RNF182: variants seen among roughly 807,000 people sequenced by gnomAD.
The protein encoded by RNF182 is E3 ubiquitin-protein ligase RNF182.
RNF182 carries 15 observed loss-of-function variants against 14.4 expected under a neutral mutation model. The ratio of observed to expected loss-of-function variants is 1.04; its 90% CI spans 0.70 to 1.60. The LOEUF is 1.60. RNF182 is among the 40% of genes most tolerant of loss of function. RNF182 has a pLI of 0.00. For synonymous variants in RNF182, 128 were observed against 122.9 expected, an observed-to-expected ratio of 1.04 and a Z score of -0.27; for missense variants, 268 against 294.8, an observed-to-expected ratio of 0.91 and a Z score of 0.67.
At chr6:13,956,022 T>C (rs1320651264) in intron 1 of RNF182, among the ~76,000 whole-genome samples, 1 of 152,200 alleles carries the variant, frequency 6.6e-6, no homozygotes, top group Non-Finnish European at 1.5e-5. Flanking sequence ...AGCTCCCACA[T>C]ATGAGTGAGA....
intron 1 of RNF182, among the ~76,000 whole-genome samples, chr6:13,971,313 T>C (rs946426451): frequency 2.0e-5 from 3 of 152,102 alleles, no homozygotes; most frequent in Non-Finnish European, 2.9e-5. Flanking sequence ...TGGCATTCAT[T>C]CTCTCTTGCC....
intron 1 of RNF182, among the ~76,000 whole-genome samples, chr6:13,968,134 A>G (rs1372744240): frequency 7.2e-5 from 11 of 152,224 alleles, no homozygotes; most frequent in Non-Finnish European, 1.2e-4. Flanking sequence ...AGTAACAGAA[A>G]GGATAAATAC....
In RNF182 at chr6:13,980,148, C is replaced by T. The variant is rs1760456143; in HGVS notation, c.*2285C>T. 1 of 152,212 alleles carries T rather than the reference C, an allele frequency of 6.6e-6. No homozygotes were observed. Among genetic ancestry groups the T allele is most frequent in the African/African-American group, 2.4e-5 (1 of 41,422 alleles). 9.4% of individuals were successfully genotyped at this position (152,212 alleles called of 1,614,324 possible). A position where few individuals can be genotyped will look rare whatever the true frequency, so the allele number is the denominator to read the frequency against. On this transcript the variant is annotated 3_prime_UTR_variant, in exon 3 of 3. Coordinates refer to ENST00000488300, the MANE Select transcript of RNF182 (RefSeq NM_152737.4). ...TATCATGCCCGTGAAGACTTCAGAA[C>T]TTTCCAACAAAGGGGACCTAACCCA...
chr6:13,925,308 C>CTGT (rs147722151), intron 1 of RNF182: 2 of 151,728 alleles, frequency 1.3e-5, no homozygotes, highest in African/African-American at 2.4e-5. Flanking sequence ...AGCTGCCCCT[C>CTGT]TGTTGTTGTT....
rs1760387975 is a variant in RNF182 at position 13,978,025 on chromosome 6, A to G, written c.*162A>G. On this transcript the variant is annotated 3_prime_UTR_variant, in exon 3 of 3. Coordinates refer to ENST00000488300, the MANE Select transcript of RNF182 (RefSeq NM_152737.4). ...TTGATTGGTTTTCCTGTAGGCTGGA[A>G]GTAAAAATGTTCATTTCTACTTAGG... 1 of 816,634 alleles carries G rather than the reference A, an allele frequency of 1.2e-6. No individual in the cohort carries two copies. Among genetic ancestry groups the G allele is most frequent in the African/African-American group, 1.7e-5 (1 of 57,478 alleles). 50.6% of individuals were successfully genotyped at this position (816,634 alleles called of 1,614,324 possible). A position where few individuals can be genotyped will look rare whatever the true frequency, so the allele number is the denominator to read the frequency against.
Position 13,978,057 on chromosome 6 carries a change from C to A in RNF182, c.*194C>A. ...ATGTTCATTTCTACTTAGGGGTTAG[C>A]AAAATTGTATAAGCTCACACTTCAT... On this transcript the variant is annotated 3_prime_UTR_variant, in exon 3 of 3. Transcript: ENST00000488300. 1 of 593,002 alleles carries A rather than the reference C, an allele frequency of 1.7e-6. No individual in the cohort carries two copies. Among genetic ancestry groups the A allele is most frequent in the Non-Finnish European group, 2.9e-6 (1 of 340,742 alleles). The allele number at this position is 593,002 out of a possible 1,614,324, so 36.7% of individuals were successfully genotyped here. A position where few individuals can be genotyped will look rare whatever the true frequency, so the allele number is the denominator to read the frequency against.
intron 1 of RNF182, among the ~76,000 whole-genome samples, chr6:13,949,829 T>A (rs570720038): frequency 1.5e-3 from 228 of 152,226 alleles, no homozygotes; most frequent in Non-Finnish European, 2.6e-3. Context: ...TTAAAAAAAA[T>A]TTTGCTGAAG....
intron 1 of RNF182, among the ~76,000 whole-genome samples, chr6:13,951,629 CACAG>C (rs1042066350): frequency 2.0e-5 from 3 of 152,202 alleles, no homozygotes; most frequent in Admixed American, 1.3e-4. Context: ...AACCAGTTTT[CACAG>C]ACAGGCCAGA....
At chr6:13,955,360 C>T (rs1759700719) in intron 1 of RNF182, among the ~76,000 whole-genome samples, 1 of 152,128 alleles carries the variant, frequency 6.6e-6, no homozygotes, top group African/African-American at 2.4e-5. Context: ...TTTACCTCAT[C>T]AATTATTTGG....
At chr6:13,962,366 C>T (rs769146539) in intron 1 of RNF182, among the ~76,000 whole-genome samples, 4 of 152,034 alleles carry the variant, frequency 2.6e-5, no homozygotes, top group Admixed American at 2.0e-4. Flanking sequence ...AATAGCTGAG[C>T]GTAAAAACCA....
At chr6:13,969,003 A>G (rs1760107826) in intron 1 of RNF182, among the ~76,000 whole-genome samples, 1 of 152,162 alleles carries the variant, frequency 6.6e-6, no homozygotes, top group Non-Finnish European at 1.5e-5. Context: ...CCATCCAGAA[A>G]ACTAGCATAA....
chr6:13,930,224 A>T (rs1758932678), intron 1 of RNF182, among the ~76,000 whole-genome samples: 1 of 152,234 alleles, frequency 6.6e-6, no homozygotes, highest in Non-Finnish European at 1.5e-5. Context: ...TCTACAGATG[A>T]TTTAAAGTAC....
chr6:13,955,964 A>G (rs1759718797), intron 1 of RNF182, among the ~76,000 whole-genome samples: 1 of 152,198 alleles, frequency 6.6e-6, no homozygotes, highest in Admixed American at 6.5e-5. Context: ...ATTCTTTCCA[A>G]CAGTTTTACA....
intron 1 of RNF182, among the ~76,000 whole-genome samples, chr6:13,939,561 TGA>T (rs1319468578): frequency 6.6e-6 from 1 of 152,090 alleles, no homozygotes; most frequent in Non-Finnish European, 1.5e-5. Context: ...TTTTATTTTT[TGA>T]GACAGAGTCT....
intron 1 of RNF182, among the ~76,000 whole-genome samples, chr6:13,938,099 C>G (rs897938521): frequency 7.5e-6 from 1 of 133,036 alleles, no homozygotes; most frequent in Non-Finnish European, 1.5e-5. Context: ...CTACCGGGTT[C>G]ACGCCATTCT....
chr6:13,966,823 T>C (rs983488700), intron 1 of RNF182, among the ~76,000 whole-genome samples: 4 of 114,132 alleles, frequency 3.5e-5, no homozygotes, highest in Admixed American at 1.0e-4. Flanking sequence ...TTTGTGTGTG[T>C]GCGCGTGCGT....
intron 1 of RNF182, chr6:13,925,414 T>C (rs748102687): frequency 1.3e-5 from 2 of 152,110 alleles, no homozygotes; most frequent in Non-Finnish European, 2.9e-5. Context: ...GGCATTCTCT[T>C]TGAGGAGGGG....
chr6:13,937,648 G>C lies in RNF182; in HGVS notation c.-367+12625G>C, dbSNP rs552247368. Among the ~76,000 whole-genome samples, 17 of 152,320 alleles carry C rather than the reference G, an allele frequency of 1.1e-4. No homozygotes were observed. The South Asian group carries it at 2.9e-3, about 26-fold the overall frequency. On this transcript the variant is annotated intron_variant, in intron 1 of 2. Coordinates refer to ENST00000488300, the MANE Select transcript of RNF182 (RefSeq NM_152737.4). ...TATAAACATTCTTATACATGTGTATGTGAGCATTTCTGTTGTGCATCTGTG... is the reference window on the plus strand; with the variant it reads ...TATAAACATTCTTATACATGTGTATCTGAGCATTTCTGTTGTGCATCTGTG...
intron 1 of RNF182, among the ~76,000 whole-genome samples, chr6:13,938,118 G>A (rs1413367526): frequency 1.4e-5 from 2 of 142,170 alleles, no homozygotes; most frequent in Admixed American, 7.5e-5. Context: ...CTCCTGCCTC[G>A]GTCTCTGCGT....
Sources: gnomAD v4.1 joint callset for allele counts (sites outside exome capture counted in the v4.1 genomes callset) on GRCh38, gnomAD v4.1.1 for gene constraint, MANE v1.5 for transcripts, NCBI Gene and HGNC (gene_info 2026-07-23, HGNC 2026-07-21) for gene names.